Variants in C11orf97 observed in about 807,000 individuals in gnomAD.
The protein encoded by C11orf97 is uncharacterized protein C11orf97.
Under a neutral mutation model 16.2 loss-of-function variants are expected in C11orf97, and 15 were observed. That is an observed-to-expected ratio of 0.93 (90% CI 0.62 to 1.43). The LOEUF is 1.43. Ranked by LOEUF, C11orf97 falls within the 40% of genes most tolerant of loss-of-function variation. C11orf97 has a pLI of 0.00. For missense variants in C11orf97, 171 were observed against 161.2 expected, an observed-to-expected ratio of 1.06 and a Z score of -0.33; for synonymous variants, 61 against 65.7, an observed-to-expected ratio of 0.93 and a Z score of 0.34.
intron 2 of C11orf97, among the ~76,000 whole-genome samples, chr11:94,519,396 C>A (rs1040213311): frequency 6.6e-6 from 1 of 152,078 alleles, no homozygotes; most frequent in Non-Finnish European, 1.5e-5. Context: ...CTGGGAAGCC[C>A]CGCCTACATG....
At chr11:94,524,603 A>AAAG (rs1555023347) in intron 2 of C11orf97, among the ~76,000 whole-genome samples, 4 of 150,590 alleles carry the variant, frequency 2.7e-5, no homozygotes, top group African/African-American at 7.3e-5. Context: ...AAAAAAAAAA[A>AAAG]GGGAGTGTAG....
intron 2 of C11orf97, among the ~76,000 whole-genome samples, chr11:94,521,544 A>G (rs1947657368): frequency 6.6e-6 from 1 of 152,090 alleles, no homozygotes; most frequent in Admixed American, 6.5e-5. Context: ...TCAACTTATG[A>G]TAGGTTTTTC....
rs1947743137 is a variant in C11orf97, at chr11:94,532,005, T to A, written c.*105T>A. The A allele has an allele frequency of 5.6e-6, 5 of 888,712 alleles. No homozygotes were observed. The highest frequency in any genetic ancestry group is 8.0e-6 in the Non-Finnish European group (5 of 626,632). 55.1% of individuals were successfully genotyped at this position (888,712 alleles called of 1,614,324 possible). On this transcript the variant is annotated 3_prime_UTR_variant, in exon 4 of 4. Transcript: ENST00000542198. ...AGGATTTAAGATGTGTGCAAAAAAATGATAGCCTGTAATTACTATTATTGG... is the reference window on the plus strand; with the variant it reads ...AGGATTTAAGATGTGTGCAAAAAAAAGATAGCCTGTAATTACTATTATTGG...
intron 3 of C11orf97, among the ~76,000 whole-genome samples, chr11:94,531,308 G>A (rs1947736526): frequency 6.6e-6 from 1 of 151,926 alleles, no homozygotes; most frequent in South Asian, 2.1e-4. Context: ...GCGGGGTGAC[G>A]CACGCTTCTA....
At chr11:94,520,313 A>G (rs71479609) in intron 2 of C11orf97, among the ~76,000 whole-genome samples, 3,247 of 152,158 alleles carry the variant, frequency 0.021, 74 homozygotes, top group African/African-American at 0.051. Flanking sequence ...CAATGCTCCA[A>G]TTTCCTGGTT....
At chr11:94,522,757 T>C (rs1947669288) in intron 2 of C11orf97, among the ~76,000 whole-genome samples, 1 of 152,218 alleles carries the variant, frequency 6.6e-6, no homozygotes, top group Non-Finnish European at 1.5e-5. Context: ...ATATGCCAGG[T>C]TCACCTTGCA....
intron 1 of C11orf97, 111 bp downstream of exon 1, chr11:94,512,784 G>C: frequency 1.7e-6 from 2 of 1,145,212 alleles, no homozygotes; most frequent in Non-Finnish European, 2.2e-6. Context: ...TTGGGGCAGG[G>C]GAGGTGGAGC....
chr11:94,528,248 GAGGGGACTTTACA>G lies in C11orf97; in HGVS notation c.376+40_376+52del, dbSNP rs150470928. On this transcript the variant is annotated intron_variant, in intron 3 of 3. Coordinates refer to ENST00000542198, the MANE Select transcript of C11orf97 (RefSeq NM_001190462.2). ...GCCCTTGACTTCCACTGAAGCCCCTGAGGGGACTTTACAGTTTACAAACCAGTGGTATATGCTC... is the reference window on the plus strand; with the variant it reads ...GCCCTTGACTTCCACTGAAGCCCCTGGTTTACAAACCAGTGGTATATGCTC... The G allele has an allele frequency of 7.0e-4, 1,062 of 1,508,662 alleles. 9 individuals carry two copies. In the African/African-American group the frequency reaches 0.013, roughly 18 times the overall value. 93.5% of individuals were successfully genotyped at this position (1,508,662 alleles called of 1,614,324 possible). A position where few individuals can be genotyped will look rare whatever the true frequency, so the allele number is the denominator to read the frequency against.
At chr11:94,517,504 T>G in intron 1 of C11orf97, 79 bp from the exon 2 acceptor site, 1 of 727,250 alleles carries the variant, frequency 1.4e-6, no homozygotes, top group Non-Finnish European at 2.0e-6. Context: ...TTTAAAAAAA[T>G]TGTTATCATG....
intron 2 of C11orf97, among the ~76,000 whole-genome samples, chr11:94,524,427 C>T (rs1364299558): frequency 2.0e-5 from 3 of 151,574 alleles, no homozygotes; most frequent in Non-Finnish European, 4.4e-5. Context: ...GTGTTCTATT[C>T]AGTTAAAAAA....
chr11:94,512,536 G>T lies in C11orf97; in HGVS notation c.8G>T (p.Gly3Val). ...TCGGAAGACCGCTGCGGCATGACAGGCGAGGAGGCGGTGGTGGTGACCGCA... is the reference window on the plus strand; with the variant it reads ...TCGGAAGACCGCTGCGGCATGACAGTCGAGGAGGCGGTGGTGGTGACCGCA... MTGEEAVVVTAVV... is the reference protein window; with the variant it reads MTVEEAVVVTAVV... Residue 3 changes from glycine (G) to valine (V), a missense_variant, in exon 1 of 4, where the codon GGC becomes GTC. Coordinates refer to ENST00000542198, the MANE Select transcript of C11orf97 (RefSeq NM_001190462.2). 3 of 1,311,342 alleles carry T rather than the reference G, an allele frequency of 2.3e-6. No individual in the cohort carries two copies. Among genetic ancestry groups the T allele is most frequent in the Non-Finnish European group, 2.9e-6 (3 of 1,029,536 alleles). 81.2% of individuals were successfully genotyped at this position (1,311,342 alleles called of 1,614,324 possible). A position where few individuals can be genotyped will look rare whatever the true frequency, so the allele number is the denominator to read the frequency against.
At chr11:94,526,188 A>C (rs532327026) in intron 2 of C11orf97, among the ~76,000 whole-genome samples, 1 of 152,280 alleles carries the variant, frequency 6.6e-6, no homozygotes, top group East Asian at 1.9e-4. Context: ...CTCTTAAAAG[A>C]AGCAGCTGCC....
At chr11:94,524,572 G>T (rs1947684364) in intron 2 of C11orf97, among the ~76,000 whole-genome samples, 1 of 114,022 alleles carries the variant, frequency 8.8e-6, no homozygotes, top group Non-Finnish European at 1.7e-5. Flanking sequence ...ACTTGAAAAG[G>T]TTAACCTCAT....
chr11:94,514,951 A>T (rs1317350923), intron 1 of C11orf97, among the ~76,000 whole-genome samples: 1 of 151,906 alleles, frequency 6.6e-6, no homozygotes, highest in Non-Finnish European at 1.5e-5. Context: ...GGCCAATGTC[A>T]CCTTTAGGAT....
At chr11:94,521,457 T>G (rs1253958802) in intron 2 of C11orf97, among the ~76,000 whole-genome samples, 5 of 152,228 alleles carry the variant, frequency 3.3e-5, no homozygotes, top group African/African-American at 1.2e-4. Context: ...TCTGAGCACA[T>G]TTAAGGTAGG....
chr11:94,528,146 C>A lies in C11orf97; in HGVS notation c.313C>A (p.Leu105Met). 6.5e-7 allele frequency: 1 copy of A among 1,536,000 alleles called. No individual in the cohort carries two copies. Among genetic ancestry groups the A allele is most frequent in the Non-Finnish European group, 8.7e-7 (1 of 1,146,812 alleles). The change falls in exon 3 of 4, where the codon CTG becomes ATG. Residue 105 changes from leucine (L) to methionine (M), a missense_variant. By Grantham distance (15) the Leu-to-Met change is conservative. Coordinates refer to ENST00000542198, the MANE Select transcript of C11orf97 (RefSeq NM_001190462.2). ...NLPVGGLKPG[L>M]PSRNSLLPQA... is the part of the protein sequence containing the mutation. ...GCCTGTGGGAGGCTTGAAGCCAGGA[C>A]TGCCGAGCAGAAACAGTTTATTGCC...
intron 1 of C11orf97, among the ~76,000 whole-genome samples, chr11:94,516,861 T>C (rs1947615127): frequency 6.6e-6 from 1 of 152,204 alleles, no homozygotes; most frequent in Admixed American, 6.5e-5. Flanking sequence ...AAGGGCCATG[T>C]GTCTGGAGCT....
intron 2 of C11orf97, among the ~76,000 whole-genome samples, chr11:94,519,781 G>A (rs1010251872): frequency 3.9e-5 from 6 of 152,194 alleles, no homozygotes; most frequent in Non-Finnish European, 7.3e-5. Context: ...GGGAAATCCC[G>A]CTGTTTTTAA....
chr11:94,523,410 T>C (rs1947675148), intron 2 of C11orf97, among the ~76,000 whole-genome samples: 1 of 152,224 alleles, frequency 6.6e-6, no homozygotes, highest in South Asian at 2.1e-4. Context: ...TAATTGATTG[T>C]TGAAGGTGAG....
Sources: allele counts gnomAD v4.1 joint callset (sites outside exome capture counted in the v4.1 genomes callset), GRCh38; gene constraint gnomAD v4.1.1; transcripts MANE v1.5; gene names NCBI Gene and HGNC (gene_info 2026-07-23, HGNC 2026-07-21).